The following ASNSD1 variants were observed in gnomAD, a reference collection of about 807,000 sequenced individuals.
ASNSD1 encodes asparagine synthetase domain-containing protein 1.
A neutral mutation model predicts 48.3 loss-of-function variants in ASNSD1; 36 were observed. That is an observed-to-expected ratio of 0.75 (90% CI 0.57 to 0.99). The LOEUF is 0.99. Ranked by LOEUF, ASNSD1 falls within the 50% of genes least tolerant of loss-of-function variation. The pLI, the probability that ASNSD1 is intolerant of heterozygous loss-of-function variation, is 0.00. For missense variants in ASNSD1, 714 were observed against 758.2 expected (o/e 0.94, Z 0.69); for synonymous variants, 257 against 262.1 (o/e 0.98, Z 0.19).
chr2:189,665,612 A>ATATACATATATATATATG lies in ASNSD1; in HGVS notation c.-93+165_-93+166insCATATATATATATGTATA, dbSNP rs1559034436. ...TATATATATGTGTATATATATATAT[A>ATATACATATATATATATG]TATATATATATATATATATATATAT... On this transcript the variant is annotated intron_variant, in intron 3 of 5. Transcript: ENST00000260952. Among the ~76,000 whole-genome samples the ATATACATATATATATATG allele has an allele frequency of 1.1e-3, 36 of 32,850 alleles. 1 individual carries two copies. The highest frequency in any genetic ancestry group is 2.5e-3 in the African/African-American group (35 of 13,762). 21.6% of individuals were successfully genotyped at this position (32,850 alleles called of 152,430 possible).
intron 1 of ASNSD1, among the ~76,000 whole-genome samples, chr2:189,662,802 A>G (rs991618739): frequency 2.0e-5 from 3 of 152,138 alleles, no homozygotes. Flanking sequence ...AATGAAGCCC[A>G]GGCCAGCATG....
intron 2 of ASNSD1, 23 bp from the exon 3 acceptor site, chr2:189,665,353 T>G (rs1351897926): frequency 2.5e-6 from 1 of 395,586 alleles, no homozygotes; most frequent in African/African-American, 2.1e-5. Flanking sequence ...AAATTTGATA[T>G]TAGCCTAAAT....
intron 3 of ASNSD1, 145 bp downstream of exon 3, chr2:189,665,596 G>GTATATATA (rs71023704): frequency 1.8e-5 from 2 of 111,492 alleles, no homozygotes; most frequent in African/African-American, 7.9e-5. Flanking sequence ...ATATATATAT[G>GTATATATA]TGTATATATA....
chr2:189,665,592 A>ATG (rs1296475655), intron 3 of ASNSD1, 141 bp downstream of exon 3: 2 of 12,778 alleles, frequency 1.6e-4, no homozygotes, highest in African/African-American at 3.6e-4. Context: ...AGTTATATAT[A>ATG]TATGTGTATA....
intron 1 of ASNSD1, 128 bp from the exon 2 acceptor site, chr2:189,663,773 C>G (rs2032726841): frequency 8.9e-6 from 3 of 337,742 alleles, no homozygotes; most frequent in Non-Finnish European, 1.6e-5. Context: ...TCACAAACTG[C>G]CCGTTTGGAA....
At chr2:189,668,378 A>T (rs192157178) in intron 5 of ASNSD1, among the ~76,000 whole-genome samples, 1 of 152,138 alleles carries the variant, frequency 6.6e-6, no homozygotes, top group African/African-American at 2.4e-5. Flanking sequence ...TTAGCTGATC[A>T]TGGTGCTGCA....
rs71023704 is a variant in ASNSD1 at position 189,665,596 on chromosome 2, G to GTATATATATATA, written c.-93+146_-93+147insATATATATATAT. On this transcript the variant is annotated intron_variant, in intron 3 of 5. Transcript: ENST00000260952. The stretch of plus-strand genomic sequence containing the variant: ...GATGAGTCAACAGTTATATATATAT[G>GTATATATATATA]TGTATATATATATATATATATATAT... 4.5e-5 allele frequency: 5 copies of GTATATATATATA among 111,486 alleles called. 1 individual carries two copies. Among genetic ancestry groups the GTATATATATATA allele is most frequent in the African/African-American group, 2.0e-4 (5 of 25,226 alleles). 6.9% of individuals were successfully genotyped at this position (111,486 alleles called of 1,614,324 possible).
chr2:189,669,448 G>A (rs62183657), intron 5 of ASNSD1, among the ~76,000 whole-genome samples: 26,252 of 151,988 alleles, frequency 0.17, 2,327 homozygotes, highest in Middle Eastern at 0.23. Flanking sequence ...ATACAGAATT[G>A]TGATATAACA....
At chr2:189,665,919 G>C (rs1307496247) in intron 3 of ASNSD1, 122 bp from the exon 4 acceptor site, 3 of 472,288 alleles carry the variant, frequency 6.4e-6, no homozygotes, top group Non-Finnish European at 1.1e-5. Flanking sequence ...ATTGGTACTG[G>C]CACAGTGTGT....
At position 189,666,722 on chromosome 2, in the gene ASNSD1, A is replaced by G. The variant is rs1318295907; in HGVS notation, c.590A>G (p.Tyr197Cys). 3 of 1,612,996 alleles carry G rather than the reference A, an allele frequency of 1.9e-6. No individual in the cohort carries two copies. In the East Asian group the frequency reaches 6.7e-5, roughly 36 times the overall value. Residue 197 changes from tyrosine (Y) to cysteine (C), a missense_variant, in exon 4 of 6, where the codon TAT becomes TGT. Physicochemically the swap from Tyr to Cys is radical, Grantham distance 194 (BLOSUM62 -2). Coordinates refer to ENST00000260952, the MANE Select transcript of ASNSD1 (RefSeq NM_019048.4). Reference sequence around the variant, plus strand: ...TCCGGATGCATTATTTTACAACTGTATCCTTGGAAATATATTTCTAGGGAG... The same window carrying G: ...TCCGGATGCATTATTTTACAACTGTGTCCTTGGAAATATATTTCTAGGGAG... Reference protein sequence around the residue: ...VISGCIILQLYPWKYISRENI... With the variant: ...VISGCIILQLCPWKYISRENI...
rs2032813052 is a variant in ASNSD1 at position 189,666,689 on chromosome 2, C to T, written c.557C>T (p.Thr186Ile). 6.2e-7 allele frequency: 1 copy of T among 1,612,770 alleles called. No individual in the cohort carries two copies. The highest frequency in any genetic ancestry group is 1.3e-5 in the African/African-American group (1 of 74,890). ...CTTTTCAGAATTGATCTTAAGTCTA[C>T]TGTCATTTCCGGATGCATTATTTTA... is the stretch of plus-strand genomic sequence containing the variant. Reference protein sequence around the residue: ...SGLFRIDLKSTVISGCIILQL... With the variant: ...SGLFRIDLKSIVISGCIILQL... The change falls in exon 4 of 6, where the codon ACT becomes ATT. Residue 186 changes from threonine (T) to isoleucine (I), a missense_variant. Physicochemically the swap from Thr to Ile is moderately conservative, Grantham distance 89. Transcript: ENST00000260952.
At position 189,667,889 on chromosome 2, in the gene ASNSD1, T is replaced by G; in HGVS notation, c.1590T>G (p.Ser530=). 1 of 1,614,000 alleles carries G rather than the reference T, an allele frequency of 6.2e-7. No homozygotes were observed. Among genetic ancestry groups the G allele is most frequent in the South Asian group, 1.1e-5 (1 of 91,004 alleles). ...TAATGATGGAACTGGGTCGAATTTC[T>G]TCTAGAAATCTTGGTCGTGATGACA... is the stretch of plus-strand genomic sequence containing the variant. ...KEIMMELGRI[S]SRNLGRDDRV... Residue 530 remains serine (S), a synonymous_variant, in exon 5 of 6, where the codon TCT becomes TCG. Coordinates refer to ENST00000260952, the MANE Select transcript of ASNSD1 (RefSeq NM_019048.4).
Position 189,666,117 on chromosome 2 carries a change from C to A in ASNSD1, c.-16C>A. 3 of 1,502,946 alleles carry A rather than the reference C, an allele frequency of 2.0e-6. No homozygotes were observed. The highest frequency in any genetic ancestry group is 1.4e-5 in the South Asian group (1 of 69,966). 93.1% of individuals were successfully genotyped at this position (1,502,946 alleles called of 1,614,324 possible). On this transcript the variant is annotated 5_prime_UTR_variant, in exon 4 of 6. The change creates a new upstream start codon in the 5' untranslated region. Coordinates refer to ENST00000260952, the MANE Select transcript of ASNSD1 (RefSeq NM_019048.4). ...AGACCAAAATCAAGAAATAGTCAAC[C>A]TGATTTCACATAACAATGTGTGGCA...
Position 189,670,632 on chromosome 2 carries a change from T to C in ASNSD1, c.1838T>C (p.Met613Thr). 6.2e-7 allele frequency: 1 copy of C among 1,613,808 alleles called. No homozygotes were observed. Reference protein sequence around the residue: ...AMQFGSRIAKMEKINEKASDK... With the variant: ...AMQFGSRIAKTEKINEKASDK... ...CAGTTTGGATCAAGAATTGCAAAAA[T>C]GGAAAAAATTAATGAAAAGGCATCT... The change falls in exon 6 of 6, where the codon ATG becomes ACG. Residue 613 changes from methionine (M) to threonine (T), a missense_variant. Physicochemically the swap from Met to Thr is moderately conservative, Grantham distance 81 (BLOSUM62 -1). Coordinates refer to ENST00000260952, the MANE Select transcript of ASNSD1 (RefSeq NM_019048.4).
At position 189,667,607 on chromosome 2, in the gene ASNSD1, G is replaced by C. The variant is rs2032842982; in HGVS notation, c.1464+11G>C. ...CAGAGCAATGCAAAGGTATGACACAGTGTTTCTTCTCCTGAGAATTCCTGA... is the reference window on the plus strand; with the variant it reads ...CAGAGCAATGCAAAGGTATGACACACTGTTTCTTCTCCTGAGAATTCCTGA... On this transcript the variant is annotated intron_variant, in intron 4 of 5. Coordinates refer to ENST00000260952, the MANE Select transcript of ASNSD1 (RefSeq NM_019048.4). The C allele has an allele frequency of 6.4e-7, 1 of 1,574,484 alleles. No homozygotes were observed. Among genetic ancestry groups the C allele is most frequent in the Non-Finnish European group, 8.6e-7 (1 of 1,162,632 alleles).
At chr2:189,668,732 C>T (rs1221887638) in intron 5 of ASNSD1, among the ~76,000 whole-genome samples, 2 of 152,328 alleles carry the variant, frequency 1.3e-5, no homozygotes, top group African/African-American at 2.4e-5. Flanking sequence ...TCCTCTGCCA[C>T]GTTTTTTGAA....
chr2:189,670,499 A>G lies in ASNSD1; in HGVS notation c.1705A>G (p.Lys569Glu). 1 of 1,613,290 alleles carries G rather than the reference A, an allele frequency of 6.2e-7. No homozygotes were observed. The highest frequency in any genetic ancestry group is 2.2e-5 in the East Asian group (1 of 44,846). ...SFLNSLPIWE[K>E]ANLTLPRGIG... ...TCTAAATTCTCTGCCGATTTGGGAAAAAGCAAACTTGACTTTACCCCGAGG... is the reference window on the plus strand; with the variant it reads ...TCTAAATTCTCTGCCGATTTGGGAAGAAGCAAACTTGACTTTACCCCGAGG... The change falls in exon 6 of 6, where the codon AAA becomes GAA. Residue 569 changes from lysine to glutamate, a missense_variant. Transcript: ENST00000260952.
rs779398264 is a variant in ASNSD1 at position 189,670,518 on chromosome 2, C to A, written c.1724C>A (p.Pro575His). The A allele has an allele frequency of 5.0e-6, 8 of 1,613,562 alleles. No individual in the cohort carries two copies. The highest frequency in any genetic ancestry group is 5.9e-6 in the Non-Finnish European group (7 of 1,179,774). ...PIWEKANLTL[P>H]RGIGEKLLLR... ...TGGGAAAAAGCAAACTTGACTTTAC[C>A]CCGAGGAATTGGTGAAAAATTACTT... Residue 575 changes from proline to histidine, a missense_variant, in exon 6 of 6, where the codon CCC becomes CAC. Transcript: ENST00000260952.
chr2:189,663,360 TCTC>T (rs2032714777), intron 1 of ASNSD1, among the ~76,000 whole-genome samples: 2 of 152,248 alleles, frequency 1.3e-5, no homozygotes, highest in South Asian at 2.1e-4. Context: ...TTCAAGCAGT[TCTC>T]CTGCCTCAGC....
Sources: gnomAD v4.1 joint callset for allele counts (sites outside exome capture counted in the v4.1 genomes callset) on GRCh38, gnomAD v4.1.1 for gene constraint, MANE v1.5 for transcripts, NCBI Gene and HGNC (gene_info 2026-07-23, HGNC 2026-07-21) for gene names.